GRIK2: variants seen among roughly 807,000 people sequenced by gnomAD.
The protein encoded by GRIK2 is glutamate receptor ionotropic, kainate 2.
GRIK2 carries 32 observed loss-of-function variants against 100.3 expected under a neutral mutation model. That is an observed-to-expected ratio of 0.32 (90% CI 0.24 to 0.43). GRIK2 has a LOEUF of 0.43. Ranked by LOEUF, GRIK2 falls within the 20% of genes least tolerant of loss-of-function variation. The pLI is 1.00. For synonymous variants in GRIK2, 417 were observed against 389.4 expected (o/e 1.07, Z -0.83); for missense variants, 843 against 1,114.9 (o/e 0.76, Z 3.47).
intron 1 of GRIK2, among the ~76,000 whole-genome samples, chr6:101,396,800 A>G (rs573997762): frequency 1.8e-4 from 27 of 152,346 alleles, no homozygotes; most frequent in African/African-American, 5.5e-4. Context: ...TCAACTGGAC[A>G]GGTGGAATTG....
intron 2 of GRIK2, among the ~76,000 whole-genome samples, chr6:101,600,712 T>G (rs1028079945): frequency 1.1e-4 from 17 of 151,794 alleles, no homozygotes; most frequent in African/African-American, 4.1e-4. Context: ...GCTCTCAGCT[T>G]GAACATTATT....
Position 101,888,944 on chromosome 6 carries a change from C to CT in GRIK2, c.1525-695dup, listed in dbSNP as rs546248593. Among the ~76,000 whole-genome samples, 202 of 152,178 alleles carry CT rather than the reference C, an allele frequency of 1.3e-3. 1 individual carries two copies. Among genetic ancestry groups the CT allele is most frequent in the Middle Eastern group, 3.4e-3 (1 of 294 alleles). On this transcript the variant is annotated intron_variant, in intron 11 of 16. Coordinates refer to ENST00000369134, the MANE Select transcript of GRIK2 (RefSeq NM_021956.5). Reference sequence around the variant, plus strand: ...ATAACCTGGTGAGTGAAAAGCATTACTAATTCAACATATTTAAGCTACTGT... The same window carrying CT: ...ATAACCTGGTGAGTGAAAAGCATTACTTAATTCAACATATTTAAGCTACTGT...
chr6:101,998,979 A>G (rs1794793325), intron 14 of GRIK2, among the ~76,000 whole-genome samples: 2 of 151,782 alleles, frequency 1.3e-5, no homozygotes, highest in African/African-American at 4.8e-5. Context: ...ACACCTGGCT[A>G]ACTTTGGTGT....
chr6:101,701,809 C>T (rs1051107240), intron 7 of GRIK2, among the ~76,000 whole-genome samples: 2 of 151,984 alleles, frequency 1.3e-5, no homozygotes. Context: ...AATTTGTAAG[C>T]TATAAAAATA....
intron 2 of GRIK2, among the ~76,000 whole-genome samples, chr6:101,468,568 A>G (rs964586039): frequency 6.6e-6 from 1 of 152,156 alleles, no homozygotes; most frequent in African/African-American, 2.4e-5. Flanking sequence ...AAGGACTTGT[A>G]AAATGTGGAT....
intron 2 of GRIK2, among the ~76,000 whole-genome samples, chr6:101,486,772 A>G: frequency 8.4e-6 from 1 of 119,288 alleles, no homozygotes; most frequent in East Asian, 2.1e-4. Flanking sequence ...TTGCACGTGT[A>G]AGATTCTCTG....
intron 2 of GRIK2, among the ~76,000 whole-genome samples, chr6:101,508,972 G>A (rs6923255): frequency 6.6e-6 from 1 of 151,658 alleles, no homozygotes; most frequent in African/African-American, 2.4e-5. Context: ...TGGCTAACAC[G>A]GTGAAACCCC....
intron 2 of GRIK2, among the ~76,000 whole-genome samples, chr6:101,535,203 G>C (rs1468519195): frequency 6.6e-6 from 1 of 151,614 alleles, no homozygotes; most frequent in African/African-American, 2.4e-5. Context: ...GTGTCAGAGG[G>C]GAACGAAAAC....
intron 2 of GRIK2, among the ~76,000 whole-genome samples, chr6:101,472,325 T>G (rs1263607689): frequency 6.6e-6 from 1 of 151,822 alleles, no homozygotes. Flanking sequence ...CCTGTAGAGA[T>G]ATAATACCGT....
chr6:101,523,566 A>T (rs1482990004), intron 2 of GRIK2, among the ~76,000 whole-genome samples: 1 of 152,152 alleles, frequency 6.6e-6, no homozygotes, highest in African/African-American at 2.4e-5. Context: ...GGGCACATTG[A>T]AAAGGGCAGA....
At chr6:101,891,718 G>GA in intron 12 of GRIK2, 1 of 304,944 alleles carries the variant, frequency 3.3e-6, no homozygotes. Flanking sequence ...TATAGCATTT[G>GA]AAGCTGTACA....
At chr6:101,909,346 T>G (rs1362403300) in intron 12 of GRIK2, among the ~76,000 whole-genome samples, 1 of 146,204 alleles carries the variant, frequency 6.8e-6, no homozygotes, top group Non-Finnish European at 1.5e-5. Flanking sequence ...GAGTAAAAAA[T>G]TTTTGGATGC....
At chr6:101,639,729 CATT>C (rs1440137337) in intron 4 of GRIK2, among the ~76,000 whole-genome samples, 1 of 152,092 alleles carries the variant, frequency 6.6e-6, no homozygotes, top group Non-Finnish European at 1.5e-5. Context: ...TCAGAGATAA[CATT>C]ATCTAAGCAT....
Position 101,429,672 on chromosome 6 carries a change from G to A in GRIK2, c.115+30280G>A, listed in dbSNP as rs74569501. On this transcript the variant is annotated intron_variant, in intron 2 of 16. Transcript: ENST00000369134. ...ACAGACTTCCTGAAAAAAATGGAGAGGGTTTTTTTCTTTTTTTCTGTTTTC... is the reference window on the plus strand; with the variant it reads ...ACAGACTTCCTGAAAAAAATGGAGAAGGTTTTTTTCTTTTTTTCTGTTTTC... Among the ~76,000 whole-genome samples the A allele has an allele frequency of 6.9e-3, 1,055 of 152,100 alleles. 7 individuals carry two copies. The highest frequency in any genetic ancestry group is 0.012 in the Non-Finnish European group (785 of 67,992).
At chr6:101,442,892 C>T (rs1421766173) in intron 2 of GRIK2, among the ~76,000 whole-genome samples, 11 of 152,290 alleles carry the variant, frequency 7.2e-5, no homozygotes, top group Admixed American at 6.5e-4. Flanking sequence ...GTATTTACTA[C>T]TTCTCCTGTT....
At chr6:101,987,148 C>G (rs547562942) in intron 14 of GRIK2, among the ~76,000 whole-genome samples, 1 of 151,818 alleles carries the variant, frequency 6.6e-6, no homozygotes, top group East Asian at 2.0e-4. Context: ...AAGGCATTGT[C>G]TCTGAAATAA....
At chr6:101,733,708 C>CTTTTTTTTTTTT (rs34438783) in intron 7 of GRIK2, among the ~76,000 whole-genome samples, 27 of 83,930 alleles carry the variant, frequency 3.2e-4, no homozygotes, top group East Asian at 3.7e-4. Context: ...ATTCCTCTTT[C>CTTTTTTTTTTTT]TTTTTTTTTT....
chr6:101,410,635 C>A (rs2128237863), intron 2 of GRIK2, among the ~76,000 whole-genome samples: 1 of 152,196 alleles, frequency 6.6e-6, no homozygotes, highest in South Asian at 2.1e-4. Context: ...TCCACAGGAC[C>A]ATTTGAAAAG....
chr6:101,926,493 A>T lies in GRIK2; in HGVS notation c.1867+1774A>T, dbSNP rs186042805. On this transcript the variant is annotated intron_variant, in intron 13 of 16. Coordinates refer to ENST00000369134, the MANE Select transcript of GRIK2 (RefSeq NM_021956.5). ...CATTCTTTTTTTCTACTTATATTTT[A>T]AAAAAATATTTGGAGGTCTTTGAGA... Among the ~76,000 whole-genome samples, 18 of 152,170 alleles carry T rather than the reference A, an allele frequency of 1.2e-4. No individual in the cohort carries two copies. In the East Asian group the frequency reaches 3.3e-3, roughly 28 times the overall value.
Sources: gnomAD v4.1 joint callset for allele counts (sites outside exome capture counted in the v4.1 genomes callset) on GRCh38, gnomAD v4.1.1 for gene constraint, MANE v1.5 for transcripts, NCBI Gene and HGNC (gene_info 2026-07-23, HGNC 2026-07-21) for gene names.